SLC25A24: variants seen among roughly 807,000 people sequenced by gnomAD.
SLC25A24 encodes the protein mitochondrial adenyl nucleotide antiporter SLC25A24.
In SLC25A24, 49 loss-of-function variants were observed where a neutral mutation model predicts 60.7. The ratio of observed to expected loss-of-function variants is 0.81; its 90% confidence interval spans 0.64 to 1.02. SLC25A24 has a LOEUF of 1.02. Among genes scored for constraint, SLC25A24 ranks in the 50% least tolerant of loss-of-function variants. The probability of loss-of-function intolerance (pLI) is 0.00; values close to 1 mark genes in which losing one functional copy is unlikely to be tolerated. For missense variants in SLC25A24, 564 were observed against 586.3 expected (o/e 0.96, Z 0.39); for synonymous variants, 202 against 200.6 (o/e 1.01, Z -0.06).
At chr1:108,197,247 C>T (rs539354496) in intron 1 of SLC25A24, among the ~76,000 whole-genome samples, 1 of 152,266 alleles carries the variant, frequency 6.6e-6, no homozygotes, top group Admixed American at 6.5e-5. Flanking sequence ...TTTCTACATT[C>T]TACTCTTATT....
At chr1:108,184,421 T>C (rs1222831769) in intron 2 of SLC25A24, among the ~76,000 whole-genome samples, 2 of 152,368 alleles carry the variant, frequency 1.3e-5, no homozygotes, top group East Asian at 1.9e-4. Context: ...CTTAGGGGCA[T>C]ATATTGTAAG....
intron 7 of SLC25A24, among the ~76,000 whole-genome samples, chr1:108,144,961 G>A (rs901625273): frequency 2.0e-5 from 3 of 152,108 alleles, no homozygotes; most frequent in Admixed American, 6.5e-5. Context: ...TGGGATTGCT[G>A]GGTCAAACGG....
chr1:108,159,409 T>C (rs1280947792), intron 4 of SLC25A24, among the ~76,000 whole-genome samples: 1 of 151,384 alleles, frequency 6.6e-6, no homozygotes, highest in Non-Finnish European at 1.5e-5. Context: ...AGCTTATTCA[T>C]CAAGGTGGTA....
intron 3 of SLC25A24, among the ~76,000 whole-genome samples, chr1:108,165,356 T>A (rs1680217288): frequency 6.6e-6 from 1 of 152,184 alleles, no homozygotes; most frequent in African/African-American, 2.4e-5. Context: ...CTTGTTGACT[T>A]TCTGTCTCAT....
chr1:108,180,206 A>AT (rs1276555146), intron 3 of SLC25A24, among the ~76,000 whole-genome samples: 1 of 142,156 alleles, frequency 7.0e-6, no homozygotes, highest in East Asian at 2.0e-4. Context: ...TCTAGTAAAA[A>AT]TAAAAAAAAA....
At chr1:108,167,519 A>G (rs1037090045) in intron 3 of SLC25A24, among the ~76,000 whole-genome samples, 5 of 152,240 alleles carry the variant, frequency 3.3e-5, no homozygotes. Context: ...GCCCGTCAGA[A>G]AAGCGCAGTA....
intron 3 of SLC25A24, among the ~76,000 whole-genome samples, chr1:108,163,834 T>A (rs184148840): frequency 1.3e-5 from 2 of 152,132 alleles, no homozygotes; most frequent in Non-Finnish European, 2.9e-5. Flanking sequence ...CTATGTCGAA[T>A]AGGAGTGGTG....
intron 7 of SLC25A24, among the ~76,000 whole-genome samples, chr1:108,146,185 G>A (rs1679584083): frequency 6.6e-6 from 1 of 152,160 alleles, no homozygotes; most frequent in African/African-American, 2.4e-5. Context: ...AATTGTGGAT[G>A]GGAGTTCACT....
chr1:108,144,405 T>C (rs966195210), intron 7 of SLC25A24, among the ~76,000 whole-genome samples: 7 of 152,264 alleles, frequency 4.6e-5, no homozygotes, highest in African/African-American at 1.4e-4. Context: ...CGGTTGTATA[T>C]TACTTTTCTT....
rs1443920322 is a variant in SLC25A24 at position 108,143,708 on chromosome 1, A to T, written c.933T>A (p.Val311=). 1 of 1,604,138 alleles carries T rather than the reference A, an allele frequency of 6.2e-7. No homozygotes were observed. Among genetic ancestry groups the T allele is most frequent in the Non-Finnish European group, 8.5e-7 (1 of 1,176,746 alleles). ...TGCCTACAGCCAGCCTGGTTTTCATAACCTGGATATAAAAAAAAACAAAAT... is the reference window on the plus strand; with the variant it reads ...TGCCTACAGCCAGCCTGGTTTTCATTACCTGGATATAAAAAAAAACAAAAT... ...TAQTFIYPME[V]MKTRLAVGKT... The change falls in exon 8 of 10, where the codon GTT becomes GTA. Residue 311 remains valine, a splice_region_variant and synonymous_variant. Coordinates refer to ENST00000565488, the MANE Select transcript of SLC25A24 (RefSeq NM_013386.5).
At chr1:108,155,222 C>G in intron 5 of SLC25A24, 87 bp from the exon 6 acceptor site, 1 of 1,160,012 alleles carries the variant, frequency 8.6e-7, no homozygotes, top group South Asian at 1.7e-5. Flanking sequence ...TTTTCAATAC[C>G]CTTTCTAACT....
In SLC25A24 at chr1:108,157,501, T is replaced by C. The variant is rs762877111; in HGVS notation, c.630A>G (p.Thr210=). 3.7e-6 allele frequency: 6 copies of C among 1,614,168 alleles called. No homozygotes were observed. In the South Asian group the frequency reaches 6.6e-5, roughly 18 times the overall value. ...AGGIAGAVSR[T]STAPLDRLKI... is the part of the protein sequence containing the mutation. ...TCAGACGGTCCAAAGGGGCAGTGCT[T>C]GTTCGAGAGACAGCACCAGCAATGC... is the stretch of plus-strand genomic sequence containing the variant. Residue 210 remains threonine (T), a synonymous_variant, in exon 5 of 10, where the codon ACA becomes ACG. Coordinates refer to ENST00000565488, the MANE Select transcript of SLC25A24 (RefSeq NM_013386.5).
At chr1:108,143,751 CTCTATCA>C in intron 7 of SLC25A24, 41 bp from the exon 8 acceptor site, 4 of 1,471,738 alleles carry the variant, frequency 2.7e-6, no homozygotes, top group Non-Finnish European at 3.8e-6. Flanking sequence ...TTCATATTAA[CTCTATCA>C]TCATGGGATT....
At chr1:108,167,462 C>T (rs944184342) in intron 3 of SLC25A24, among the ~76,000 whole-genome samples, 2 of 152,240 alleles carry the variant, frequency 1.3e-5, no homozygotes, top group African/African-American at 4.8e-5. Flanking sequence ...GTGTAGGACC[C>T]TCCGAGCCAG....
At chr1:108,188,417 A>G (rs1203760375) in intron 1 of SLC25A24, among the ~76,000 whole-genome samples, 1 of 152,144 alleles carries the variant, frequency 6.6e-6, no homozygotes, top group Non-Finnish European at 1.5e-5. Flanking sequence ...TATCTTTTCT[A>G]TGTTTAGATA....
intron 3 of SLC25A24, among the ~76,000 whole-genome samples, chr1:108,180,618 CT>C (rs375909193): frequency 0.74 from 96,083 of 129,564 alleles, 32,422 homozygotes; most frequent in Middle Eastern, 0.83. Flanking sequence ...AGAGAAAGAT[CT>C]CTCTCTCTCT....
chr1:108,143,212 C>G (rs1206106973), intron 8 of SLC25A24, among the ~76,000 whole-genome samples: 1 of 152,166 alleles, frequency 6.6e-6, no homozygotes, highest in African/African-American at 2.4e-5. Flanking sequence ...CTGTATTACT[C>G]ATGTTAGTCA....
Position 108,185,815 on chromosome 1 carries a change from A to C in SLC25A24, c.310+13T>G. The C allele has an allele frequency of 2.5e-6, 4 of 1,579,120 alleles. No individual in the cohort carries two copies. The highest frequency in any genetic ancestry group is 3.5e-6 in the Non-Finnish European group (4 of 1,155,576). The stretch of plus-strand genomic sequence containing the variant: ...TCTTCATAGCTGGTGATAAATACAA[A>C]AGAAAGACACACCATCATTATTTTT... On this transcript the variant is annotated intron_variant, in intron 2 of 9. Transcript: ENST00000565488.
At position 108,192,543 on chromosome 1, in the gene SLC25A24, C is replaced by T. The variant is rs1299154159; in HGVS notation, c.184-6589G>A. 30 of 1,499,512 alleles carry T rather than the reference C, an allele frequency of 2.0e-5. 7 individuals are homozygous for T. Among genetic ancestry groups the T allele is most frequent in the Non-Finnish European group, 2.7e-5 (30 of 1,114,484 alleles). The allele number at this position is 1,499,512 out of a possible 1,614,324, so 92.9% of individuals were successfully genotyped here. A position where few individuals can be genotyped will look rare whatever the true frequency, so the allele number is the denominator to read the frequency against. ...ATGGCCCCTACATCCTCCAGGCCTT[C>T]CTGAAGCTCAAAAATGTCCAAGGTC... On this transcript the variant is annotated intron_variant, in intron 1 of 9. Transcript: ENST00000565488.
Sources: gnomAD v4.1 joint callset for allele counts (sites outside exome capture counted in the v4.1 genomes callset) on GRCh38, gnomAD v4.1.1 for gene constraint, MANE v1.5 for transcripts, NCBI Gene and HGNC (gene_info 2026-07-23, HGNC 2026-07-21) for gene names.